The following STXBP5L variants were observed in gnomAD, a reference collection of about 807,000 sequenced individuals.
STXBP5L encodes syntaxin binding protein 5L.
A neutral mutation model predicts 144.5 loss-of-function variants in STXBP5L; 65 were observed. That is an observed-to-expected ratio of 0.45 (90% CI 0.37 to 0.55). The LOEUF (loss-of-function observed/expected upper bound fraction) is 0.55. Ranked by LOEUF, STXBP5L falls within the 20% of genes least tolerant of loss-of-function variation. The pLI, the probability that STXBP5L is intolerant of heterozygous loss-of-function variation, is 0.00. For missense variants in STXBP5L, 1,298 were observed against 1,405.5 expected (o/e 0.92, Z 1.22); for synonymous variants, 505 against 469.6 (o/e 1.08, Z -0.97).
chr3:121,272,125 T>G (rs570458293), intron 18 of STXBP5L, among the ~76,000 whole-genome samples: 35 of 152,214 alleles, frequency 2.3e-4, no homozygotes, highest in African/African-American at 8.2e-4. Flanking sequence ...ATTCTGTATG[T>G]GTCCGTTAGA....
intron 19 of STXBP5L, among the ~76,000 whole-genome samples, chr3:121,290,361 G>A (rs1424600403): frequency 2.0e-5 from 3 of 152,024 alleles, no homozygotes; most frequent in Non-Finnish European, 4.4e-5. Context: ...GGAAGAAATA[G>A]AAACTCTGAA....
chr3:121,281,521 A>G (rs2051058307), intron 19 of STXBP5L, among the ~76,000 whole-genome samples: 1 of 151,956 alleles, frequency 6.6e-6, no homozygotes, highest in African/African-American at 2.4e-5. Flanking sequence ...CATAATAACC[A>G]TATTTCAGGT....
intron 12 of STXBP5L, among the ~76,000 whole-genome samples, chr3:121,236,473 G>A (rs918096543): frequency 2.0e-5 from 3 of 152,178 alleles, no homozygotes; most frequent in African/African-American, 7.2e-5. Context: ...GAACGTGAAG[G>A]GAAGTCAGAG....
At chr3:120,954,881 C>G (rs1937846613) in intron 2 of STXBP5L, 59 bp from the exon 3 acceptor site, 2 of 1,410,408 alleles carry the variant, frequency 1.4e-6, no homozygotes. Flanking sequence ...ATAATGGTAT[C>G]TTGTGATTGT....
chr3:121,361,240 G>C (rs1410752574), intron 20 of STXBP5L, among the ~76,000 whole-genome samples: 4 of 152,042 alleles, frequency 2.6e-5, no homozygotes, highest in African/African-American at 9.7e-5. Flanking sequence ...TGACTTTTGG[G>C]AGTTTGATTA....
Position 121,094,163 on chromosome 3 carries a change from A to C in STXBP5L, c.471-20762A>C, listed in dbSNP as rs544379152. Reference sequence around the variant, plus strand: ...AGTTTGTTATAATTTCTGTTCTTTTACATTTGCTGAGGAGAGCTTTACTTC... The same window carrying C: ...AGTTTGTTATAATTTCTGTTCTTTTCCATTTGCTGAGGAGAGCTTTACTTC... On this transcript the variant is annotated intron_variant, in intron 5 of 26. Transcript: ENST00000471454. 9.2e-5 allele frequency among the ~76,000 whole-genome samples: 14 copies of C among 152,184 alleles called. 1 individual carries two copies. In the East Asian group the frequency reaches 2.7e-3, roughly 29 times the overall value.
At chr3:121,044,148 A>G (rs899875907) in intron 4 of STXBP5L, among the ~76,000 whole-genome samples, 42 of 152,316 alleles carry the variant, frequency 2.8e-4, no homozygotes, top group African/African-American at 1.0e-3. Context: ...GTATATATCA[A>G]TATATACATC....
intron 7 of STXBP5L, among the ~76,000 whole-genome samples, chr3:121,123,961 A>G (rs2044591760): frequency 6.6e-6 from 1 of 151,744 alleles, no homozygotes; most frequent in Admixed American, 6.6e-5. Context: ...AGAAAATACA[A>G]TTCTATTTTT....
At chr3:121,007,393 C>G (rs150129603) in intron 3 of STXBP5L, among the ~76,000 whole-genome samples, 1 of 151,644 alleles carries the variant, frequency 6.6e-6, no homozygotes, top group Non-Finnish European at 1.5e-5. Context: ...ATTCTGGCCT[C>G]AAATTTAATT....
chr3:120,929,234 T>C (rs1362792356), intron 2 of STXBP5L, among the ~76,000 whole-genome samples: 1 of 152,126 alleles, frequency 6.6e-6, no homozygotes, highest in Non-Finnish European at 1.5e-5. Context: ...ATTGCAGAGA[T>C]TGTGGTTTGA....
chr3:121,025,951 A>G (rs958704258), intron 3 of STXBP5L, among the ~76,000 whole-genome samples: 7 of 142,534 alleles, frequency 4.9e-5, no homozygotes, highest in African/African-American at 1.5e-4. Context: ...ATATCAATAT[A>G]TCATAATGTA....
At chr3:120,982,298 T>TG (rs1269159131) in intron 3 of STXBP5L, among the ~76,000 whole-genome samples, 1 of 151,974 alleles carries the variant, frequency 6.6e-6, no homozygotes, top group East Asian at 1.9e-4. Context: ...CTTCCATAGG[T>TG]GGGGGGACAA....
At chr3:121,202,672 A>G (rs1290899674) in intron 9 of STXBP5L, among the ~76,000 whole-genome samples, 1 of 152,124 alleles carries the variant, frequency 6.6e-6, no homozygotes, top group African/African-American at 2.4e-5. Flanking sequence ...TGCTCAACAT[A>G]AGACTCTTGG....
chr3:120,962,360 A>G (rs1051240868), intron 3 of STXBP5L, among the ~76,000 whole-genome samples: 17 of 152,214 alleles, frequency 1.1e-4, no homozygotes, highest in South Asian at 1.0e-3. Flanking sequence ...CCATGCCTAT[A>G]TCCTGAATGG....
intron 9 of STXBP5L, among the ~76,000 whole-genome samples, chr3:121,165,044 T>C (rs546299521): frequency 6.6e-6 from 1 of 152,192 alleles, no homozygotes; most frequent in South Asian, 2.1e-4. Context: ...ACCAAAAAAA[T>C]GGTTAAATAT....
intron 5 of STXBP5L, among the ~76,000 whole-genome samples, chr3:121,056,581 C>G (rs1576805239): frequency 6.6e-6 from 1 of 152,050 alleles, no homozygotes; most frequent in Non-Finnish European, 1.5e-5. Context: ...TTTATAAAGG[C>G]AATTTGAACT....
At chr3:121,045,675 G>A in intron 5 of STXBP5L, 140 bp downstream of exon 5, 1 of 771,822 alleles carries the variant, frequency 1.3e-6, no homozygotes, top group East Asian at 2.7e-5. Context: ...CTTTCATAGT[G>A]TTTTCTTTTT....
chr3:121,079,372 A>G (rs1246724410), intron 5 of STXBP5L, among the ~76,000 whole-genome samples: 1 of 152,196 alleles, frequency 6.6e-6, no homozygotes. Flanking sequence ...CCATGCAGGA[A>G]CTCACTGGGC....
intron 7 of STXBP5L, among the ~76,000 whole-genome samples, chr3:121,123,417 G>A (rs2044560945): frequency 6.6e-6 from 1 of 151,622 alleles, no homozygotes; most frequent in Non-Finnish European, 1.5e-5. Context: ...TTGAATAAAT[G>A]AATGCTGATG....
Sources: gnomAD v4.1 joint callset for allele counts (sites outside exome capture counted in the v4.1 genomes callset) on GRCh38, gnomAD v4.1.1 for gene constraint, MANE v1.5 for transcripts, NCBI Gene and HGNC (gene_info 2026-07-23, HGNC 2026-07-21) for gene names.